Variants in TMEM45A observed in about 807,000 individuals in gnomAD.
TMEM45A encodes the protein transmembrane protein 45A.
Under a neutral mutation model 32.0 loss-of-function variants are expected in TMEM45A, and 25 were observed. The ratio of observed to expected loss-of-function variants is 0.78; its 90% confidence interval spans 0.57 to 1.09. The LOEUF is 1.09. Ranked by LOEUF, TMEM45A falls within the 50% of genes least tolerant of loss-of-function variation. The pLI is 0.00. For missense variants in TMEM45A, 302 were observed against 325.0 expected, an observed-to-expected ratio of 0.93 and a Z score of 0.54; for synonymous variants, 122 against 114.8, an observed-to-expected ratio of 1.06 and a Z score of -0.40.
At chr3:100,554,984 A>G (rs62274575) in intron 1 of TMEM45A, among the ~76,000 whole-genome samples, 53,746 of 152,058 alleles carry the variant, frequency 0.35, 10,432 homozygotes, top group Middle Eastern at 0.46. Context: ...TGCAGAGTAC[A>G]TGGTAAGTAT....
At chr3:100,541,831 C>T (rs899096380) in intron 1 of TMEM45A, among the ~76,000 whole-genome samples, 1 of 152,136 alleles carries the variant, frequency 6.6e-6, no homozygotes, top group Non-Finnish European at 1.5e-5. Flanking sequence ...AGCTAGGGGT[C>T]AAGGTTCATT....
intron 1 of TMEM45A, among the ~76,000 whole-genome samples, chr3:100,513,586 C>T (rs1708206016): frequency 6.6e-6 from 1 of 150,640 alleles, no homozygotes; most frequent in Non-Finnish European, 1.5e-5. Context: ...TGCCCTCTCT[C>T]ACCACTCCTA....
At chr3:100,556,701 C>A (rs1486853430) in intron 2 of TMEM45A, 59 bp from the exon 3 acceptor site, 2 of 1,454,370 alleles carry the variant, frequency 1.4e-6, no homozygotes, top group Middle Eastern at 3.5e-4. Context: ...AGTCCTCCTG[C>A]ATCTTCTTGA....
intron 1 of TMEM45A, among the ~76,000 whole-genome samples, chr3:100,510,393 C>G (rs1319951223): frequency 6.6e-6 from 1 of 152,280 alleles, no homozygotes; most frequent in Non-Finnish European, 1.5e-5. Flanking sequence ...CTCCAACAGA[C>G]CTGCAGCTGA....
chr3:100,508,739 G>A (rs142208126), intron 1 of TMEM45A, among the ~76,000 whole-genome samples: 32 of 152,120 alleles, frequency 2.1e-4, no homozygotes, highest in African/African-American at 6.7e-4. Context: ...AGTGGTGCTG[G>A]GAAAACTGGA....
chr3:100,555,318 G>A lies in TMEM45A; in HGVS notation c.107G>A (p.Arg36Gln), dbSNP rs146094123. Residue 36 changes from arginine (R) to glutamine (Q), a missense_variant, in exon 2 of 6, where the codon CGA becomes CAA. Coordinates refer to ENST00000323523, the MANE Select transcript of TMEM45A (RefSeq NM_018004.3). ...AAGTATATCTGCAAAAAGCAAAAGC[G>A]AACCTGCTATCTTGGTTCCAAAACA... Reference protein sequence around the residue: ...ILKYICKKQKRTCYLGSKTLF... With the variant: ...ILKYICKKQKQTCYLGSKTLF... 6 of 1,614,006 alleles carry A rather than the reference G, an allele frequency of 3.7e-6. No homozygotes were observed. In the Admixed American group the frequency reaches 5.0e-5, roughly 13 times the overall value.
At chr3:100,532,138 T>C (rs1057398587) in intron 1 of TMEM45A, among the ~76,000 whole-genome samples, 32 of 152,352 alleles carry the variant, frequency 2.1e-4, no homozygotes, top group Middle Eastern at 3.4e-3. Context: ...GAGTGATCTC[T>C]GCTCAGAGTA....
At chr3:100,546,816 T>C (rs1013195087) in intron 1 of TMEM45A, among the ~76,000 whole-genome samples, 1 of 152,212 alleles carries the variant, frequency 6.6e-6, no homozygotes, top group African/African-American at 2.4e-5. Flanking sequence ...CTAGTCTTTG[T>C]TCTTAGGTAA....
chr3:100,568,944 A>G lies in TMEM45A; in HGVS notation c.711A>G (p.Gly237=), dbSNP rs1706500576. The part of the protein sequence containing the change: ...WHYAVTIVIV[G]MNYAFITWLV... ...ATGCAGTAACCATTGTCATCGTTGG[A>G]ATGAATTATGCTTTCATTACCTGGT... Residue 237 remains glycine, a synonymous_variant, in exon 5 of 6, where the codon GGA becomes GGG. Transcript: ENST00000323523. The G allele has an allele frequency of 1.2e-6, 2 of 1,613,278 alleles. No individual in the cohort carries two copies. Among genetic ancestry groups the G allele is most frequent in the African/African-American group, 2.7e-5 (2 of 74,902 alleles).
intron 1 of TMEM45A, among the ~76,000 whole-genome samples, chr3:100,544,447 C>G (rs965367144): frequency 7.9e-5 from 12 of 152,110 alleles, no homozygotes; most frequent in African/African-American, 2.9e-4. Flanking sequence ...ATATGGTTGT[C>G]TAATTATTGT....
At chr3:100,495,502 T>A (rs547677668) in intron 1 of TMEM45A, among the ~76,000 whole-genome samples, 1 of 151,990 alleles carries the variant, frequency 6.6e-6, no homozygotes, top group East Asian at 1.9e-4. Flanking sequence ...GTGGGAGAGG[T>A]GGGAAGGGAC....
chr3:100,550,211 A>G (rs545730343), intron 1 of TMEM45A, among the ~76,000 whole-genome samples: 540 of 65,048 alleles, frequency 8.3e-3, no homozygotes, highest in Middle Eastern at 0.031. Flanking sequence ...AAAAAAAGAA[A>G]AAAAAATAAA....
At chr3:100,505,261 G>C (rs950130443) in intron 1 of TMEM45A, among the ~76,000 whole-genome samples, 1 of 152,164 alleles carries the variant, frequency 6.6e-6, no homozygotes, top group Non-Finnish European at 1.5e-5. Context: ...CAATGAATGA[G>C]AAAGAAGCAG....
chr3:100,553,344 T>C (rs1055804548), intron 1 of TMEM45A, among the ~76,000 whole-genome samples: 59 of 152,218 alleles, frequency 3.9e-4, no homozygotes, highest in African/African-American at 1.4e-3. Context: ...TTAAGTTATT[T>C]GAAAACCTTA....
At chr3:100,513,297 C>G (rs1708199893) in intron 1 of TMEM45A, among the ~76,000 whole-genome samples, 1 of 152,158 alleles carries the variant, frequency 6.6e-6, no homozygotes, top group African/African-American at 2.4e-5. Flanking sequence ...GGGCTTCATC[C>G]CTGGGATGCA....
At chr3:100,517,471 C>G (rs1708282977) in intron 1 of TMEM45A, among the ~76,000 whole-genome samples, 1 of 152,220 alleles carries the variant, frequency 6.6e-6, no homozygotes, top group African/African-American at 2.4e-5. Context: ...AGTGTATCAT[C>G]TTTCCTTCAT....
intron 4 of TMEM45A, among the ~76,000 whole-genome samples, chr3:100,559,371 G>A (rs909487578): frequency 7.2e-5 from 11 of 152,148 alleles, no homozygotes; most frequent in African/African-American, 2.7e-4. Context: ...TTAGAGATTT[G>A]TATTGCACAT....
rs140156710 is a variant in TMEM45A at position 100,497,679 on chromosome 3, T to G, written c.-4+4751T>G. Reference sequence around the variant, plus strand: ...AATATTTATTCTTTTATGTTTAGCTTATTTCATTTAGCAAAATGTCTTCAA... The same window carrying G: ...AATATTTATTCTTTTATGTTTAGCTGATTTCATTTAGCAAAATGTCTTCAA... On this transcript the variant is annotated intron_variant, in intron 1 of 5. Coordinates refer to ENST00000323523, the MANE Select transcript of TMEM45A (RefSeq NM_018004.3). Among the ~76,000 whole-genome samples the G allele has an allele frequency of 2.2e-3, 330 of 152,358 alleles. 2 individuals carry two copies. Among genetic ancestry groups the G allele is most frequent in the Non-Finnish European group, 3.3e-3 (226 of 68,040 alleles).
At chr3:100,531,212 A>G (rs1705640665) in intron 1 of TMEM45A, among the ~76,000 whole-genome samples, 1 of 152,100 alleles carries the variant, frequency 6.6e-6, no homozygotes, top group African/African-American at 2.4e-5. Flanking sequence ...GTTTTTCCTA[A>G]TTATTTATCT....
Sources: gnomAD v4.1 joint callset for allele counts (sites outside exome capture counted in the v4.1 genomes callset) on GRCh38, gnomAD v4.1.1 for gene constraint, MANE v1.5 for transcripts, NCBI Gene and HGNC (gene_info 2026-07-23, HGNC 2026-07-21) for gene names.